The following ERVMER34-1 variants were observed in gnomAD, a reference collection of about 807,000 sequenced individuals.
The protein encoded by ERVMER34-1 is endogenous retroviral envelope protein HEMO.
For synonymous variants in ERVMER34-1, 199 were observed against 111.7 expected (o/e 1.78, Z -4.93); for missense variants, 471 against 295.1 (o/e 1.60, Z -4.37).
At chr4:52,750,788 C>A (rs1352049320) in intron 2 of ERVMER34-1, 142 bp downstream of exon 2, 1 of 152,428 alleles carries the variant, frequency 6.6e-6, no homozygotes. Context: ...GGCAGAAGAT[C>A]ATCGTGAGGG....
chr4:52,750,100 G>A (rs1167733243), intron 2 of ERVMER34-1, among the ~76,000 whole-genome samples: 1 of 152,152 alleles, frequency 6.6e-6, no homozygotes, highest in Non-Finnish European at 1.5e-5. Context: ...CCAGGTTCAA[G>A]CAATTCTCCT....
intron 2 of ERVMER34-1, among the ~76,000 whole-genome samples, chr4:52,748,768 C>T (rs910512285): frequency 7.2e-5 from 11 of 152,242 alleles, no homozygotes; most frequent in South Asian, 2.1e-4. Context: ...CAAGCCTTTC[C>T]GTGTATATTG....
At chr4:52,748,230 G>T in intron 2 of ERVMER34-1, 1 of 216,476 alleles carries the variant, frequency 4.6e-6, no homozygotes, top group Non-Finnish European at 9.2e-6. Context: ...CCTCTTTGGA[G>T]GAGCTAGACT....
Position 52,745,847 on chromosome 4 carries a change from A to G in ERVMER34-1, c.-327T>C. On this transcript the variant is annotated 5_prime_UTR_variant, in exon 3 of 3. Coordinates refer to ENST00000443173, the MANE Select transcript of ERVMER34-1 (RefSeq NM_001242690.2). ...ATTCAGGAATTTTATTTTGATGACT[A>G]TGTAGGTGGTTAGCAGTACTTCATA... 3.6e-6 allele frequency: 1 copy of G among 281,292 alleles called. No homozygotes were observed. Among genetic ancestry groups the G allele is most frequent in the East Asian group, 7.3e-5 (1 of 13,660 alleles). The allele number at this position is 281,292 out of a possible 1,614,324, so 17.4% of individuals were successfully genotyped here.
intron 2 of ERVMER34-1, among the ~76,000 whole-genome samples, chr4:52,747,855 T>C (rs1240302501): frequency 6.6e-6 from 1 of 152,286 alleles, no homozygotes; most frequent in Non-Finnish European, 1.5e-5. Context: ...CTGACCAACA[T>C]GGAGAAATCC....
chr4:52,744,775 C>G lies in ERVMER34-1; in HGVS notation c.746G>C (p.Cys249Ser), dbSNP rs115436661. ...LLYQLFRNLF[C>S]SYGLTEAHGK... is the part of the protein sequence containing the mutation. ...ATGTGCCTCTGTCAGGCCATAAGAG[C>G]AAAATAGGTTGCGAAATAGCTGGTA... The change falls in exon 3 of 3, where the codon TGC (cysteine) becomes TCC (serine). Residue 249 changes from cysteine (C) to serine (S), a missense_variant. Coordinates refer to ENST00000443173, the MANE Select transcript of ERVMER34-1 (RefSeq NM_001242690.2). The G allele has an allele frequency of 1.7e-3, 1,217 of 704,108 alleles. 10 individuals are homozygous for G. In the African/African-American group the frequency reaches 0.019, roughly 11 times the overall value. The allele number at this position is 704,108 out of a possible 1,614,324, so 43.6% of individuals were successfully genotyped here. A position where few individuals can be genotyped will look rare whatever the true frequency, so the allele number is the denominator to read the frequency against.
intron 2 of ERVMER34-1, among the ~76,000 whole-genome samples, chr4:52,747,351 C>T (rs1716179557): frequency 6.6e-6 from 1 of 152,154 alleles, no homozygotes; most frequent in African/African-American, 2.4e-5. Context: ...CTTTGATATA[C>T]AAACTAATCA....
At chr4:52,746,164 G>A (rs566762721) in intron 2 of ERVMER34-1, among the ~76,000 whole-genome samples, 1 of 152,300 alleles carries the variant, frequency 6.6e-6, no homozygotes, top group Admixed American at 6.5e-5. Context: ...CCTATTTGGA[G>A]TATTCCAGAC....
intron 2 of ERVMER34-1, chr4:52,748,053 A>G (rs982343819): frequency 1.9e-5 from 3 of 154,890 alleles, no homozygotes; most frequent in Admixed American, 1.3e-4. Context: ...AGAAACTAAG[A>G]TTCATGAGCT....
chr4:52,748,776 T>A (rs540934551), intron 2 of ERVMER34-1, among the ~76,000 whole-genome samples: 137 of 152,326 alleles, frequency 9.0e-4, no homozygotes, highest in African/African-American at 3.1e-3. Flanking sequence ...TCCGTGTATA[T>A]TGCTGTGAAA....
In ERVMER34-1 at chr4:52,744,450, T is replaced by A. The variant is rs1222223144; in HGVS notation, c.1071A>T (p.Thr357=). 2 of 704,058 alleles carry A rather than the reference T, an allele frequency of 2.8e-6. No individual in the cohort carries two copies. The highest frequency in any genetic ancestry group is 5.4e-5 in the East Asian group (2 of 37,302). 43.6% of individuals were successfully genotyped at this position (704,058 alleles called of 1,614,324 possible). The change falls in exon 3 of 3, where the codon ACA becomes ACT. Residue 357 remains threonine (T), a synonymous_variant. Coordinates refer to ENST00000443173, the MANE Select transcript of ERVMER34-1 (RefSeq NM_001242690.2). ...GGTTGCAATACAGAGGTGGATTGTC[T>A]GTGTCTCCTTGGGTGCATCTATGCG... ...VTPHRCTQGD[T]DNPPLYCNPK... is the part of the protein sequence containing the mutation.
At position 52,745,474 on chromosome 4, in the gene ERVMER34-1, G is replaced by A; in HGVS notation, c.47C>T (p.Ala16Val). ...AGGTTGTACTAGAATTGTCAAAAAA[G>A]CAGTAAGGGTTAGTTGAAGCAGGGC... The part of the protein sequence containing the change: ...NYALLQLTLT[A>V]FLTILVQPQH... Residue 16 changes from alanine (A) to valine (V), a missense_variant, in exon 3 of 3, where the codon GCT (alanine) becomes GTT (valine). Physicochemically the swap from Ala to Val is moderately conservative, Grantham distance 64. Coordinates refer to ENST00000443173, the MANE Select transcript of ERVMER34-1 (RefSeq NM_001242690.2). The A allele has an allele frequency of 1.4e-6, 1 of 704,130 alleles. No individual in the cohort carries two copies. Among genetic ancestry groups the A allele is most frequent in the Non-Finnish European group, 2.6e-6 (1 of 385,004 alleles). The allele number at this position is 704,130 out of a possible 1,614,324, so 43.6% of individuals were successfully genotyped here. A position where few individuals can be genotyped will look rare whatever the true frequency, so the allele number is the denominator to read the frequency against.
chr4:52,743,749 G>T lies in ERVMER34-1; in HGVS notation c.*80C>A. 7.5e-7 allele frequency: 1 copy of T among 1,339,870 alleles called. No individual in the cohort carries two copies. The highest frequency in any genetic ancestry group is 9.9e-7 in the Non-Finnish European group (1 of 1,012,972). 83.0% of individuals were successfully genotyped at this position (1,339,870 alleles called of 1,614,324 possible). A position where few individuals can be genotyped will look rare whatever the true frequency, so the allele number is the denominator to read the frequency against. On this transcript the variant is annotated 3_prime_UTR_variant, in exon 3 of 3. Transcript: ENST00000443173. ...CACTCAGAGGAGGGTTTTGGCAGCT[G>T]AATTCTCGGTAAGACCTGCTTTACT...
intron 2 of ERVMER34-1, among the ~76,000 whole-genome samples, chr4:52,749,353 A>G (rs576135367): frequency 7.2e-4 from 110 of 152,290 alleles, no homozygotes; most frequent in African/African-American, 2.5e-3. Context: ...TCTACTTGAC[A>G]GACCAACCCC....
At position 52,744,769 on chromosome 4, in the gene ERVMER34-1, T is replaced by G. The variant is rs1207796695; in HGVS notation, c.752A>C (p.Tyr251Ser). ...YQLFRNLFCS[Y>S]GLTEAHGKWR... Reference sequence around the variant, plus strand: ...TTTCCCATGTGCCTCTGTCAGGCCATAAGAGCAAAATAGGTTGCGAAATAG... The same window carrying G: ...TTTCCCATGTGCCTCTGTCAGGCCAGAAGAGCAAAATAGGTTGCGAAATAG... The change falls in exon 3 of 3, where the codon TAT becomes TCT. Residue 251 changes from tyrosine (Y) to serine (S), a missense_variant. Tyr to Ser is a moderately radical substitution (Grantham distance 144, BLOSUM62 -2). Coordinates refer to ENST00000443173, the MANE Select transcript of ERVMER34-1 (RefSeq NM_001242690.2). 1 of 704,174 alleles carries G rather than the reference T, an allele frequency of 1.4e-6. No homozygotes were observed. The highest frequency in any genetic ancestry group is 2.7e-5 in the East Asian group (1 of 37,282). 43.6% of individuals were successfully genotyped at this position (704,174 alleles called of 1,614,324 possible).
intron 2 of ERVMER34-1, among the ~76,000 whole-genome samples, chr4:52,746,365 C>T (rs938220084): frequency 6.6e-6 from 1 of 152,128 alleles, no homozygotes; most frequent in Non-Finnish European, 1.5e-5. Context: ...TTCTGGCCGT[C>T]TGAGTCCAGT....
intron 2 of ERVMER34-1, among the ~76,000 whole-genome samples, chr4:52,748,880 G>C (rs1391124380): frequency 1.3e-5 from 2 of 151,808 alleles, no homozygotes; most frequent in Non-Finnish European, 2.9e-5. Flanking sequence ...CTTAGAAACA[G>C]GGTCTCACTC....
intron 2 of ERVMER34-1, among the ~76,000 whole-genome samples, chr4:52,746,181 T>A (rs904338761): frequency 6.6e-6 from 1 of 152,160 alleles, no homozygotes; most frequent in South Asian, 2.1e-4. Flanking sequence ...AGACCTTTTT[T>A]GTTTGTTTCT....
At chr4:52,749,851 C>T (rs1210133121) in intron 2 of ERVMER34-1, among the ~76,000 whole-genome samples, 2 of 152,034 alleles carry the variant, frequency 1.3e-5, no homozygotes, top group Non-Finnish European at 2.9e-5. Context: ...AGATAATAAC[C>T]AGCTATGACA....
Sources: gnomAD v4.1 joint callset for allele counts (sites outside exome capture counted in the v4.1 genomes callset) on GRCh38, gnomAD v4.1.1 for gene constraint, MANE v1.5 for transcripts, NCBI Gene and HGNC (gene_info 2026-07-23, HGNC 2026-07-21) for gene names.